AGO4: variants seen among roughly 807,000 people sequenced by gnomAD.
The protein encoded by AGO4 is argonaute RISC component 4, also known as protein argonaute-4.
AGO4 carries 33 observed loss-of-function variants against 104.7 expected under a neutral mutation model. The observed-to-expected ratio is 0.32, with a 90% CI of 0.24 to 0.42. The LOEUF (loss-of-function observed/expected upper bound fraction) is 0.42. Among genes scored for constraint, AGO4 ranks in the 10% least tolerant of loss-of-function variants. The probability of loss-of-function intolerance (pLI) is 1.00; values close to 1 mark genes in which losing one functional copy is unlikely to be tolerated. For missense variants in AGO4, 711 were observed against 1,083.4 expected (o/e 0.66, Z 4.83); for synonymous variants, 331 against 364.7 (o/e 0.91, Z 1.05).
At chr1:35,849,035 C>T (rs1644638441) in intron 15 of AGO4, among the ~76,000 whole-genome samples, 1 of 152,142 alleles carries the variant, frequency 6.6e-6, no homozygotes, top group South Asian at 2.1e-4. Context: ...AAATTTGTGC[C>T]TGTATGCTAA....
intron 7 of AGO4, among the ~76,000 whole-genome samples, chr1:35,829,708 G>A (rs1323863363): frequency 6.6e-6 from 1 of 151,808 alleles, no homozygotes; most frequent in Non-Finnish European, 1.5e-5. Flanking sequence ...ATGGTGGCAG[G>A]CATGGTGGCA....
At chr1:35,852,248 T>A (rs1193924703) in intron 17 of AGO4, among the ~76,000 whole-genome samples, 2 of 152,192 alleles carry the variant, frequency 1.3e-5, no homozygotes, top group Non-Finnish European at 2.9e-5. Flanking sequence ...ACTTAACAGT[T>A]AATTGGATAT....
intron 17 of AGO4, among the ~76,000 whole-genome samples, chr1:35,852,093 C>T (rs1437867962): frequency 6.6e-6 from 1 of 152,122 alleles, no homozygotes; most frequent in Non-Finnish European, 1.5e-5. Flanking sequence ...GGGGAAAAAG[C>T]AAGTGGCATG....
At chr1:35,811,642 C>T (rs970891078) in intron 1 of AGO4, among the ~76,000 whole-genome samples, 4 of 151,878 alleles carry the variant, frequency 2.6e-5, no homozygotes, top group South Asian at 2.1e-4. Context: ...CTCGCTGTGT[C>T]GCCCAGGCTG....
chr1:35,818,890 C>T (rs1643818607), intron 2 of AGO4, among the ~76,000 whole-genome samples: 1 of 152,116 alleles, frequency 6.6e-6, no homozygotes, highest in South Asian at 2.1e-4. Context: ...CTAAATAAAT[C>T]TAAGACATGA....
chr1:35,841,192 C>A lies in AGO4; in HGVS notation c.1752C>A (p.Ile584=), dbSNP rs534225430. 17 of 1,611,158 alleles carry A rather than the reference C, an allele frequency of 1.1e-5. No individual in the cohort carries two copies. The South Asian group carries it at 1.5e-4, about 15-fold the overall frequency. ...QRPSVFQQPV[I]FLGADVTHPP... Reference sequence around the variant, plus strand: ...CCTCGGTGTTCCAGCAGCCTGTCATCTTCCTGGGAGCGGATGTCACACACC... The same window carrying A: ...CCTCGGTGTTCCAGCAGCCTGTCATATTCCTGGGAGCGGATGTCACACACC... Residue 584 remains isoleucine (I), a synonymous_variant, in exon 14 of 18, where the codon ATC becomes ATA. Transcript: ENST00000373210. The surrounding 1 kb of genome is among the most constrained non-coding windows in gnomAD (Gnocchi z 4.7).
chr1:35,811,495 C>T (rs574726578), intron 1 of AGO4, among the ~76,000 whole-genome samples: 1 of 151,900 alleles, frequency 6.6e-6, no homozygotes, highest in East Asian at 1.9e-4. Context: ...AAACCAACCA[C>T]CTCAGGGACC....
Position 35,815,538 on chromosome 1 carries a change from CT to C in AGO4, c.20-1339del, listed in dbSNP as rs1304528495. Among the ~76,000 whole-genome samples, 3 of 152,068 alleles carry C rather than the reference CT, an allele frequency of 2.0e-5. No homozygotes were observed. The East Asian group carries it at 5.8e-4, about 29-fold the overall frequency. On this transcript the variant is annotated intron_variant, in intron 1 of 17. Coordinates refer to ENST00000373210, the MANE Select transcript of AGO4 (RefSeq NM_017629.4). Reference sequence around the variant, plus strand: ...TTAACTAGGTTTATTTATTACATGACTTTTTAGATAATTTAATATGATAATA... The same window carrying C: ...TTAACTAGGTTTATTTATTACATGACTTTTAGATAATTTAATATGATAATA...
intron 3 of AGO4, among the ~76,000 whole-genome samples, chr1:35,824,228 C>T (rs1222758493): frequency 6.6e-6 from 1 of 151,984 alleles, no homozygotes; most frequent in Non-Finnish European, 1.5e-5. Flanking sequence ...TTTACCGCCT[C>T]CACCACTTAT....
chr1:35,807,959 C>T (rs1348948247), upstream of AGO4, among the ~76,000 whole-genome samples: 2 of 151,652 alleles, frequency 1.3e-5, no homozygotes, highest in Non-Finnish European at 2.9e-5. Flanking sequence ...GCAGAGCGGG[C>T]CAGCGGGCGC....
rs1643388887 is a variant in AGO4 at position 35,808,735 on chromosome 1, G to A, written c.19+300G>A. Among the ~76,000 whole-genome samples the A allele has an allele frequency of 6.6e-6, 1 of 152,170 alleles. No individual in the cohort carries two copies. Among genetic ancestry groups the A allele is most frequent in the African/African-American group, 2.4e-5 (1 of 41,462 alleles). On this transcript the variant is annotated intron_variant, in intron 1 of 17. Coordinates refer to ENST00000373210, the MANE Select transcript of AGO4 (RefSeq NM_017629.4). This position sits in a 1 kb window ranked among gnomAD's most constrained non-coding sequence, Gnocchi z 5.2. ...GGGGAGACGATATGTGCCCGGGGTC[G>A]CGACGAGGGTAGTTTGGGCCTCAGA...
At position 35,808,472 on chromosome 1, in the gene AGO4, CCCGGGACCCGGGGCGGGCGG is replaced by C. The variant is rs1643374235; in HGVS notation, c.19+45_19+64del. ...GCTCGGGTCGGGGCGGGACCCGGGA[CCCGGGACCCGGGGCGGGCGG>C]CCGGGACTTTCGCTGCCCCGTCGCC... On this transcript the variant is annotated intron_variant, in intron 1 of 17. Coordinates refer to ENST00000373210, the MANE Select transcript of AGO4 (RefSeq NM_017629.4). This position sits in a 1 kb window ranked among gnomAD's most constrained non-coding sequence, Gnocchi z 5.2. 3.4e-6 allele frequency: 4 copies of C among 1,180,042 alleles called. No individual in the cohort carries two copies. The highest frequency in any genetic ancestry group is 4.2e-6 in the Non-Finnish European group (4 of 954,350). The allele number at this position is 1,180,042 out of a possible 1,614,324, so 73.1% of individuals were successfully genotyped here.
chr1:35,835,713 A>C (rs1644298228), intron 12 of AGO4, 121 bp from the exon 13 acceptor site: 1 of 821,056 alleles, frequency 1.2e-6, no homozygotes, highest in African/African-American at 1.7e-5. Context: ...CATGAGAAGC[A>C]TCTAGCACAG....
chr1:35,808,545 G>T lies in AGO4; in HGVS notation c.19+110G>T. The T allele has an allele frequency of 9.9e-7, 1 of 1,005,650 alleles. No individual in the cohort carries two copies. The highest frequency in any genetic ancestry group is 4.8e-5 in the South Asian group (1 of 20,910). The allele number at this position is 1,005,650 out of a possible 1,614,324, so 62.3% of individuals were successfully genotyped here. A position where few individuals can be genotyped will look rare whatever the true frequency, so the allele number is the denominator to read the frequency against. On this transcript the variant is annotated intron_variant, in intron 1 of 17. Coordinates refer to ENST00000373210, the MANE Select transcript of AGO4 (RefSeq NM_017629.4). The surrounding 1 kb of genome is among the most constrained non-coding windows in gnomAD (Gnocchi z 5.2). ...GCCGGGTTCGGGCCGCCAGGCCTCG[G>T]GGAAGGGGACCCGAGCCCCGCAGCA...
At chr1:35,837,021 G>C (rs1644330475) in intron 13 of AGO4, among the ~76,000 whole-genome samples, 1 of 152,118 alleles carries the variant, frequency 6.6e-6, no homozygotes, top group African/African-American at 2.4e-5. Flanking sequence ...TTCCCTTAAT[G>C]AGTAATGATG....
intron 15 of AGO4, among the ~76,000 whole-genome samples, chr1:35,848,996 G>A (rs529357711): frequency 1.3e-5 from 2 of 152,274 alleles, no homozygotes; most frequent in South Asian, 2.1e-4. Context: ...GGTAACAATA[G>A]TTAAAATGGA....
In AGO4 at chr1:35,822,997, C is replaced by G; in HGVS notation, c.306+15C>G. Reference sequence around the variant, plus strand: ...GACGGGATAGGGTAAGTGTTAAGAGCAAGAAATACTTAGTTCATTTAGTAG... The same window carrying G: ...GACGGGATAGGGTAAGTGTTAAGAGGAAGAAATACTTAGTTCATTTAGTAG... On this transcript the variant is annotated intron_variant, in intron 3 of 17. Transcript: ENST00000373210. 6.2e-7 allele frequency: 1 copy of G among 1,610,596 alleles called. No individual in the cohort carries two copies. The highest frequency in any genetic ancestry group is 8.5e-7 in the Non-Finnish European group (1 of 1,177,720).
rs1263116863 is a variant in AGO4, at chr1:35,856,199, T to G, written c.*2594T>G. 2 of 152,128 alleles carry G rather than the reference T, an allele frequency of 1.3e-5. No homozygotes were observed. The highest frequency in any genetic ancestry group is 3.8e-4 in the East Asian group (2 of 5,196). 9.4% of individuals were successfully genotyped at this position (152,128 alleles called of 1,614,324 possible). On this transcript the variant is annotated 3_prime_UTR_variant, in exon 18 of 18. Transcript: ENST00000373210. The stretch of plus-strand genomic sequence containing the variant: ...TCATTTTGGACAAAAGGAAAGAAAT[T>G]TGGAAGAGCTGGGATTATTGGCAAA...
chr1:35,845,351 G>A (rs899423794), intron 15 of AGO4, among the ~76,000 whole-genome samples: 7 of 151,632 alleles, frequency 4.6e-5, no homozygotes, highest in Admixed American at 2.6e-4. Flanking sequence ...GGGATTACAG[G>A]CGCATATCAC....
Sources: allele counts gnomAD v4.1 joint callset (sites outside exome capture counted in the v4.1 genomes callset), GRCh38; gene constraint gnomAD v4.1.1; non-coding constraint Gnocchi (gnomAD v3.1); transcripts MANE v1.5; gene names NCBI Gene and HGNC (gene_info 2026-07-23, HGNC 2026-07-21).